The following PIN4 variants were observed in gnomAD, a reference collection of about 807,000 sequenced individuals.
The protein encoded by PIN4 is peptidylprolyl cis/trans isomerase, NIMA-interacting 4.
In PIN4, 3 loss-of-function variants were observed where a neutral mutation model predicts 8.3. The observed-to-expected ratio is 0.36, with a 90% CI of 0.16 to 0.93. The LOEUF is 0.93. Among genes scored for constraint, PIN4 ranks in the 40% least tolerant of loss-of-function variants. The pLI is 0.44. For missense variants in PIN4, 75 were observed against 100.6 expected (o/e 0.75, Z 1.09); for synonymous variants, 18 against 32.5 (o/e 0.55, Z 1.52).
chrX:72,190,169 A>C (rs1055529951), intron 2 of PIN4, among the ~76,000 whole-genome samples: 1 of 110,909 alleles, frequency 9.0e-6, no homozygotes, highest in Admixed American at 9.6e-5. Context: ...GCACACTCAA[A>C]ATTAGGCCTA....
intron 3 of PIN4, among the ~76,000 whole-genome samples, chrX:72,231,977 G>C (rs748396458): frequency 7.3e-5 from 8 of 110,166 alleles, no homozygotes; most frequent in Non-Finnish European, 1.5e-4. Flanking sequence ...ACATTTGGAA[G>C]CCAAGGCAGA....
At chrX:72,230,744 G>A (rs2042978814) in intron 3 of PIN4, among the ~76,000 whole-genome samples, 2 of 111,607 alleles carry the variant, frequency 1.8e-5, no homozygotes, top group South Asian at 3.7e-4. Context: ...TGGGCAGATC[G>A]CTTGAGCTCA....
chrX:72,245,387 C>T (rs1166684896), intron 3 of PIN4, among the ~76,000 whole-genome samples: 1 of 111,184 alleles, frequency 9.0e-6, no homozygotes, highest in East Asian at 2.8e-4. Flanking sequence ...CCAGGCTGTT[C>T]TCCAGCTCCT....
intron 3 of PIN4, among the ~76,000 whole-genome samples, chrX:72,212,868 G>C (rs2042863889): frequency 9.0e-6 from 1 of 111,603 alleles, no homozygotes; most frequent in Non-Finnish European, 1.9e-5. Context: ...GCTTGAGCCT[G>C]GGAGGCAGGG....
At chrX:72,244,860 C>T (rs2043061552) in intron 3 of PIN4, among the ~76,000 whole-genome samples, 1 of 107,756 alleles carries the variant, frequency 9.3e-6, no homozygotes, top group Non-Finnish European at 1.9e-5. Flanking sequence ...GTGGGAGGAT[C>T]ACTTGAGCCC....
At chrX:72,221,151 G>A (rs1266656316) in intron 3 of PIN4, among the ~76,000 whole-genome samples, 1 of 111,733 alleles carries the variant, frequency 8.9e-6, no homozygotes, top group Non-Finnish European at 1.9e-5. Context: ...TTCCCACAAT[G>A]GGTATTTTGC....
At chrX:72,185,584 ATAGGAAATGTT>A (rs1569488126) in intron 1 of PIN4, among the ~76,000 whole-genome samples, 1 of 112,448 alleles carries the variant, frequency 8.9e-6, no homozygotes, top group Non-Finnish European at 1.9e-5. Context: ...CAGTAGTTGT[ATAGGAAATGTT>A]TATTGAACTG....
At chrX:72,204,836 A>G (rs936807487) in intron 3 of PIN4, 1 of 338,169 alleles carries the variant, frequency 3.0e-6, no homozygotes, top group Non-Finnish European at 5.1e-6. Context: ...AAGAAATATT[A>G]AGCTAGTGCT....
intron 3 of PIN4, among the ~76,000 whole-genome samples, chrX:72,227,157 C>T (rs767915745): frequency 1.8e-5 from 2 of 111,690 alleles, no homozygotes; most frequent in Non-Finnish European, 3.8e-5. Context: ...CAGGATGGGT[C>T]GAGGCTTTTC....
intron 3 of PIN4, among the ~76,000 whole-genome samples, chrX:72,227,194 G>A: frequency 8.9e-6 from 1 of 111,810 alleles, no homozygotes; most frequent in Admixed American, 9.5e-5. Flanking sequence ...GGCTTCTACT[G>A]TCACCTCCAA....
At chrX:72,252,414 C>T (rs1444198127) in intron 3 of PIN4, among the ~76,000 whole-genome samples, 8 of 106,031 alleles carry the variant, frequency 7.5e-5, no homozygotes, top group South Asian at 4.2e-4. Context: ...GACAGAGTCT[C>T]GCTCTGTCAC....
Position 72,181,848 on chromosome X carries a change from C to G in PIN4, c.43+20C>G. ...GGAAAGGTAGAGCGGCCAGAGCGAT[C>G]AAGGAGAATGGGGGCGGGTGAGGAG... On this transcript the variant is annotated intron_variant, in intron 1 of 3. Transcript: ENST00000373669. The G allele has an allele frequency of 2.1e-6, 2 of 939,668 alleles. No homozygotes were observed. Among genetic ancestry groups the G allele is most frequent in the Non-Finnish European group, 3.1e-6 (2 of 654,470 alleles). The allele number at this position is 939,668 out of a possible 1,213,427, so 77.4% of individuals were successfully genotyped here. A position where few individuals can be genotyped will look rare whatever the true frequency, so the allele number is the denominator to read the frequency against.
At chrX:72,185,158 A>AAAAAAAC (rs1225253776) in intron 1 of PIN4, among the ~76,000 whole-genome samples, 2 of 103,863 alleles carry the variant, frequency 1.9e-5, no homozygotes, top group Non-Finnish European at 4.0e-5. Context: ...AAAAAAAAAA[A>AAAAAAAC]AAAAAAAACA....
intron 3 of PIN4, among the ~76,000 whole-genome samples, chrX:72,227,938 C>G (rs1157382580): frequency 8.9e-6 from 1 of 112,821 alleles, no homozygotes; most frequent in African/African-American, 3.2e-5. Flanking sequence ...AATATTTGCC[C>G]TGGCATGCTT....
chrX:72,240,088 C>CA (rs750258594), intron 3 of PIN4, among the ~76,000 whole-genome samples: 2,543 of 48,013 alleles, frequency 0.053, 68 homozygotes, highest in African/African-American at 0.12. Flanking sequence ...GACTCCATCT[C>CA]AAAAAAAAAA....
intron 3 of PIN4, among the ~76,000 whole-genome samples, chrX:72,229,494 T>G (rs762344578): frequency 2.7e-5 from 3 of 112,040 alleles, no homozygotes; most frequent in African/African-American, 9.7e-5. Flanking sequence ...GGCCTCCTCC[T>G]TGTCCATTTG....
rs35914181 is a variant in PIN4 at position 72,251,362 on chromosome X, C to CAAAAAAAAAAA, written c.313-11342_313-11332dup. On this transcript the variant is annotated intron_variant, in intron 3 of 3. Transcript: ENST00000423432. Reference sequence around the variant, plus strand: ...TGGGCGACACAGCGAGACTCTGTCTCAAAAAAAAAAAAATATGTGTGAGTG... The same window carrying CAAAAAAAAAAA: ...TGGGCGACACAGCGAGACTCTGTCTCAAAAAAAAAAAAAAAAAAAAAAAATATGTGTGAGTG... 2.9e-4 allele frequency among the ~76,000 whole-genome samples: 19 copies of CAAAAAAAAAAA among 65,611 alleles called. 1 individual carries two copies. Among genetic ancestry groups the CAAAAAAAAAAA allele is most frequent in the East Asian group, 4.8e-3 (2 of 415 alleles). 57.0% of individuals were successfully genotyped at this position (65,611 alleles called of 115,157 possible). A position where few individuals can be genotyped will look rare whatever the true frequency, so the allele number is the denominator to read the frequency against.
intron 3 of PIN4, among the ~76,000 whole-genome samples, chrX:72,254,921 T>C (rs970551709): frequency 9.0e-6 from 1 of 111,659 alleles, no homozygotes; most frequent in African/African-American, 3.3e-5. Flanking sequence ...CAGGATGAGC[T>C]TGAGGTGTCT....
intron 3 of PIN4, among the ~76,000 whole-genome samples, chrX:72,209,146 T>C (rs2042838027): frequency 9.0e-6 from 1 of 111,459 alleles, no homozygotes; most frequent in Non-Finnish European, 1.9e-5. Context: ...ATAGATTCCT[T>C]CTGGTTTTCC....
Sources: allele counts gnomAD v4.1 joint callset (sites outside exome capture counted in the v4.1 genomes callset), GRCh38; gene constraint gnomAD v4.1.1; transcripts MANE v1.5; gene names NCBI Gene and HGNC (gene_info 2026-07-23, HGNC 2026-07-21).